DTNB: variants seen among roughly 807,000 people sequenced by gnomAD.
DTNB encodes the protein dystrobrevin beta, also known as DTN-B.
A neutral mutation model predicts 90.7 loss-of-function variants in DTNB; 63 were observed. The observed-to-expected ratio is 0.69, with a 90% CI of 0.57 to 0.86. The LOEUF (loss-of-function observed/expected upper bound fraction) is 0.86. DTNB is among the 40% of genes least tolerant of loss of function. The pLI is 0.00. For synonymous variants in DTNB, 277 were observed against 286.7 expected, an observed-to-expected ratio of 0.97 and a Z score of 0.34; for missense variants, 744 against 807.1, an observed-to-expected ratio of 0.92 and a Z score of 0.95.
intron 1 of DTNB, among the ~76,000 whole-genome samples, chr2:25,659,093 A>C (rs2082641499): frequency 6.6e-6 from 1 of 152,228 alleles, no homozygotes; most frequent in South Asian, 2.1e-4. Context: ...ATGCAATTAA[A>C]AAAAAAATCA....
At chr2:25,427,398 TA>T in intron 15 of DTNB, 136 bp downstream of exon 15, 1 of 774,418 alleles carries the variant, frequency 1.3e-6, no homozygotes, top group Non-Finnish European at 2.0e-6. Flanking sequence ...CCAATTAGGC[TA>T]AATTTATCTG....
intron 8 of DTNB, chr2:25,558,492 A>G: frequency 3.7e-6 from 3 of 812,014 alleles, no homozygotes; most frequent in Non-Finnish European, 4.5e-6. Context: ...CATTTGAAGA[A>G]CTGCTTGGTT....
intron 12 of DTNB, among the ~76,000 whole-genome samples, chr2:25,446,293 G>C (rs969730446): frequency 6.6e-6 from 1 of 152,158 alleles, no homozygotes. Flanking sequence ...CTGGAGTGTA[G>C]TGGCATGATC....
rs1412579627 is a variant in DTNB at position 25,511,535 on chromosome 2, T to C, written c.1001+19938A>G. Among the ~76,000 whole-genome samples, 4 of 152,298 alleles carry C rather than the reference T, an allele frequency of 2.6e-5. No homozygotes were observed. In the South Asian group the frequency reaches 6.2e-4, roughly 24 times the overall value. On this transcript the variant is annotated intron_variant, in intron 9 of 20. Transcript: ENST00000406818. ...TTAGTAGAGATGGGGTTTCATCATA[T>C]TGGTCAGGCTGGTCTCGAACTCCTG...
chr2:25,539,864 T>A (rs2080794154), intron 8 of DTNB, among the ~76,000 whole-genome samples: 1 of 152,206 alleles, frequency 6.6e-6, no homozygotes, highest in Non-Finnish European at 1.5e-5. Context: ...CATATTTAAA[T>A]CTGAATCTAC....
rs1453417329 is a variant in DTNB, at chr2:25,388,267, G to C, written c.1670C>G (p.Pro557Arg). 23 of 1,610,224 alleles carry C rather than the reference G, an allele frequency of 1.4e-5. No homozygotes were observed. The highest frequency in any genetic ancestry group is 2.0e-5 in the Non-Finnish European group (23 of 1,178,674). The change falls in exon 17 of 21, where the codon CCC becomes CGC. Residue 557 changes from proline (P) to arginine (R), a missense_variant. Physicochemically the swap from Pro to Arg is moderately radical, Grantham distance 103. Transcript: ENST00000406818. Reference protein sequence around the residue: ...PVRSTSAGSTPTHCPQDSLSG... With the variant: ...PVRSTSAGSTRTHCPQDSLSG... Reference sequence around the variant, plus strand: ...CAGCGAGTCCTGCGGACAGTGGGTGGGGGTGGAGCCGGCAGACGTGGAGCG... The same window carrying C: ...CAGCGAGTCCTGCGGACAGTGGGTGCGGGTGGAGCCGGCAGACGTGGAGCG...
At chr2:25,470,524 C>T (rs374035010) in intron 10 of DTNB, among the ~76,000 whole-genome samples, 1 of 151,886 alleles carries the variant, frequency 6.6e-6, no homozygotes, top group African/African-American at 2.4e-5. Context: ...TACAGGCATC[C>T]ACCACCACAC....
intron 6 of DTNB, among the ~76,000 whole-genome samples, chr2:25,589,695 A>T (rs1314307143): frequency 6.6e-6 from 1 of 152,092 alleles, no homozygotes; most frequent in Non-Finnish European, 1.5e-5. Flanking sequence ...TCATAAAGAT[A>T]GGCATCAAAT....
chr2:25,558,763 T>C (rs1263747382), intron 8 of DTNB, among the ~76,000 whole-genome samples: 8 of 152,208 alleles, frequency 5.3e-5, no homozygotes, highest in East Asian at 1.9e-4. Flanking sequence ...GTTCAGATGA[T>C]TGAAAGGAGC....
chr2:25,613,000 A>G (rs886864896), intron 4 of DTNB, among the ~76,000 whole-genome samples: 1 of 152,166 alleles, frequency 6.6e-6, no homozygotes, highest in Admixed American at 6.5e-5. Flanking sequence ...AAGAAGAAAA[A>G]CTGCATTTCT....
chr2:25,641,889 C>T (rs577003692), intron 2 of DTNB, among the ~76,000 whole-genome samples: 3 of 152,228 alleles, frequency 2.0e-5, no homozygotes, highest in East Asian at 1.9e-4. Context: ...AGCACGGTCT[C>T]GGCTTACTGC....
At chr2:25,541,146 A>G (rs988848373) in intron 8 of DTNB, among the ~76,000 whole-genome samples, 2 of 152,176 alleles carry the variant, frequency 1.3e-5, no homozygotes, top group Middle Eastern at 3.2e-3. Flanking sequence ...CTACAGCAAG[A>G]ATAAAGTTCA....
At position 25,580,840 on chromosome 2, in the gene DTNB, A is replaced by G. The variant is rs2061462029; in HGVS notation, c.604-14T>C. ...CATTATCTTTCTCTGTAAAGAGAAG[A>G]AAAACAAACATACTTTAAGTTTTTT... is the stretch of plus-strand genomic sequence containing the variant. On this transcript the variant is annotated splice_polypyrimidine_tract_variant and intron_variant, in intron 6 of 20. Transcript: ENST00000406818. 1 of 1,595,290 alleles carries G rather than the reference A, an allele frequency of 6.3e-7. No individual in the cohort carries two copies. Among genetic ancestry groups the G allele is most frequent in the Non-Finnish European group, 8.6e-7 (1 of 1,169,250 alleles).
chr2:25,589,761 A>G (rs981918689), intron 6 of DTNB, among the ~76,000 whole-genome samples: 1 of 152,188 alleles, frequency 6.6e-6, no homozygotes, highest in African/African-American at 2.4e-5. Context: ...ATATTGTTAC[A>G]GGATTCCTGG....
At chr2:25,456,898 T>C (rs760230909) in intron 10 of DTNB, among the ~76,000 whole-genome samples, 13 of 151,964 alleles carry the variant, frequency 8.6e-5, no homozygotes, top group Non-Finnish European at 1.8e-4. Context: ...CAAACTCTCC[T>C]ACCTTTGGCC....
At chr2:25,524,953 T>C (rs565875637) in intron 9 of DTNB, among the ~76,000 whole-genome samples, 198 of 152,316 alleles carry the variant, frequency 1.3e-3, no homozygotes, top group African/African-American at 4.4e-3. Flanking sequence ...GTTAGCCTCC[T>C]ACCTTACAGG....
chr2:25,625,364 T>C (rs2073880400), intron 4 of DTNB, among the ~76,000 whole-genome samples: 2 of 152,268 alleles, frequency 1.3e-5, no homozygotes, highest in South Asian at 2.1e-4. Flanking sequence ...TTTCTTTTTT[T>C]CCAACACAAG....
rs184786547 is a variant in DTNB, at chr2:25,544,042, C to T, written c.877-12445G>A. On this transcript the variant is annotated intron_variant, in intron 8 of 20. Transcript: ENST00000406818. ...TAAAATTACTCAAGAGAAAGAACCG[C>T]TGGCAACTAGGAGGGACAGCCACGG... 5.3e-5 allele frequency among the ~76,000 whole-genome samples: 8 copies of T among 152,336 alleles called. No homozygotes were observed. The East Asian group carries it at 1.5e-3, about 29-fold the overall frequency.
intron 12 of DTNB, among the ~76,000 whole-genome samples, chr2:25,436,778 G>T (rs1289744713): frequency 6.6e-6 from 1 of 152,180 alleles, no homozygotes; most frequent in Non-Finnish European, 1.5e-5. Context: ...GACTGAGGCT[G>T]GCTGTGAAGA....
Sources: allele counts gnomAD v4.1 joint callset (sites outside exome capture counted in the v4.1 genomes callset), GRCh38; gene constraint gnomAD v4.1.1; transcripts MANE v1.5; gene names NCBI Gene and HGNC (gene_info 2026-07-23, HGNC 2026-07-21).